The following SOX6 variants were observed in gnomAD, a reference collection of about 807,000 sequenced individuals.
SOX6 encodes SRY-box transcription factor 6, also known as transcription factor SOX-6.
In SOX6, 11 loss-of-function variants were observed where a neutral mutation model predicts 97.8. That is an observed-to-expected ratio of 0.11 (90% confidence interval 0.07 to 0.19). The LOEUF is 0.19. SOX6 is among the 10% of genes least tolerant of loss of function. The probability of loss-of-function intolerance (pLI) is 1.00; values close to 1 mark genes in which losing one functional copy is unlikely to be tolerated. For synonymous variants in SOX6, 360 were observed against 371.4 expected, an observed-to-expected ratio of 0.97 and a Z score of 0.35; for missense variants, 810 against 1,039.5, an observed-to-expected ratio of 0.78 and a Z score of 3.04.
chr11:16,178,477 G>A (rs1312747229), intron 6 of SOX6, among the ~76,000 whole-genome samples: 1 of 151,960 alleles, frequency 6.6e-6, no homozygotes, highest in Non-Finnish European at 1.5e-5. Context: ...ACAGCATACA[G>A]CAGAGACATA....
intron 7 of SOX6, among the ~76,000 whole-genome samples, chr11:16,109,617 A>T (rs556708821): frequency 2.1e-4 from 32 of 152,344 alleles, no homozygotes; most frequent in South Asian, 1.2e-3. Flanking sequence ...CATGTGAATG[A>T]TAAAAACACT....
At chr11:16,237,715 G>T (rs1014370972) in intron 3 of SOX6, among the ~76,000 whole-genome samples, 1 of 151,880 alleles carries the variant, frequency 6.6e-6, no homozygotes, top group African/African-American at 2.4e-5. Context: ...GACACTCTTG[G>T]ATTATTTTAT....
intron 2 of SOX6, among the ~76,000 whole-genome samples, chr11:16,331,107 T>G (rs2134323813): frequency 6.6e-6 from 1 of 152,264 alleles, no homozygotes; most frequent in South Asian, 2.1e-4. Context: ...CTTACTCTGG[T>G]GTCAGGTCAA....
chr11:15,969,456 G>A lies in SOX6; in HGVS notation c.*3353C>T, dbSNP rs1360675427. 1 of 152,060 alleles carries A rather than the reference G, an allele frequency of 6.6e-6. No homozygotes were observed. The highest frequency in any genetic ancestry group is 1.5e-5 in the Non-Finnish European group (1 of 68,018). 9.4% of individuals were successfully genotyped at this position (152,060 alleles called of 1,614,324 possible). ...CATCAACTTTCTGTAAGAAAAAAGG[G>A]AAATGTCTGGATCTGTGGACAGTGG... On this transcript the variant is annotated 3_prime_UTR_variant, in exon 16 of 16. Coordinates refer to ENST00000683767, the MANE Select transcript of SOX6 (RefSeq NM_001367873.1).
At chr11:16,129,577 T>C (rs1482568727) in intron 6 of SOX6, among the ~76,000 whole-genome samples, 4 of 152,102 alleles carry the variant, frequency 2.6e-5, no homozygotes, top group African/African-American at 2.4e-5. Context: ...AATGTAACAG[T>C]ATGTAAAAAG....
intron 3 of SOX6, among the ~76,000 whole-genome samples, chr11:16,238,633 T>C (rs1853096312): frequency 6.6e-6 from 1 of 152,024 alleles, no homozygotes; most frequent in African/African-American, 2.4e-5. Flanking sequence ...TTCAGATAGA[T>C]CAAAAATAAA....
intron 3 of SOX6, among the ~76,000 whole-genome samples, chr11:16,614,929 T>C (rs1413348374): frequency 6.6e-6 from 1 of 152,214 alleles, no homozygotes; most frequent in Non-Finnish European, 1.5e-5. Context: ...TTCAGTATTT[T>C]GGTCAACAAT....
intron 3 of SOX6, among the ~76,000 whole-genome samples, chr11:16,708,728 G>A (rs1250348465): frequency 6.6e-6 from 1 of 152,070 alleles, no homozygotes; most frequent in Non-Finnish European, 1.5e-5. Flanking sequence ...CATGCGTGGG[G>A]TACATGATCG....
chr11:16,729,203 C>T (rs542871568), intron 2 of SOX6, among the ~76,000 whole-genome samples: 19 of 152,110 alleles, frequency 1.2e-4, no homozygotes, highest in Non-Finnish European at 2.2e-4. Context: ...GGCAGGCCAA[C>T]GTTCAAATTC....
At chr11:16,077,914 A>G (rs1848393269) in intron 9 of SOX6, among the ~76,000 whole-genome samples, 1 of 151,922 alleles carries the variant, frequency 6.6e-6, no homozygotes, top group South Asian at 2.1e-4. Flanking sequence ...GTGACATGCA[A>G]TCTATCTAAA....
At chr11:16,295,793 G>A (rs1440612464) in intron 3 of SOX6, among the ~76,000 whole-genome samples, 1 of 152,072 alleles carries the variant, frequency 6.6e-6, no homozygotes, top group African/African-American at 2.4e-5. Context: ...GGCCTTTACT[G>A]GGGTTGCATT....
At chr11:16,634,239 A>G (rs531797210) in intron 3 of SOX6, among the ~76,000 whole-genome samples, 82 of 152,266 alleles carry the variant, frequency 5.4e-4, no homozygotes, top group African/African-American at 1.9e-3. Flanking sequence ...CATAAAGTTC[A>G]TTATATGAAC....
chr11:16,654,589 C>G (rs139203417), intron 3 of SOX6, among the ~76,000 whole-genome samples: 1 of 152,234 alleles, frequency 6.6e-6, no homozygotes, highest in African/African-American at 2.4e-5. Flanking sequence ...TGCACTCAGC[C>G]CTGTCATCAC....
chr11:16,081,531 A>T (rs1848473313), intron 9 of SOX6, among the ~76,000 whole-genome samples: 1 of 152,176 alleles, frequency 6.6e-6, no homozygotes, highest in African/African-American at 2.4e-5. Context: ...ACATGATGTA[A>T]AATCACAGCT....
intron 3 of SOX6, among the ~76,000 whole-genome samples, chr11:16,267,538 A>G (rs947573399): frequency 1.3e-5 from 2 of 151,634 alleles, no homozygotes; most frequent in South Asian, 2.1e-4. Flanking sequence ...AAAGGACCAA[A>G]GATAACCAGT....
At chr11:16,250,534 GT>G (rs1314796042) in intron 3 of SOX6, among the ~76,000 whole-genome samples, 2 of 151,980 alleles carry the variant, frequency 1.3e-5, no homozygotes, top group African/African-American at 4.8e-5. Flanking sequence ...GATAAGTGGG[GT>G]TATATCATGT....
chr11:16,609,120 C>A (rs1848368786), intron 4 of SOX6, among the ~76,000 whole-genome samples: 1 of 152,032 alleles, frequency 6.6e-6, no homozygotes, highest in Non-Finnish European at 1.5e-5. Flanking sequence ...AGCTGGAGGA[C>A]CAGGACAGGG....
At position 16,576,756 on chromosome 11, in the gene SOX6, A is replaced by G. The variant is rs1589992282; in HGVS notation, n.609+35325T>C. On this transcript the variant is annotated intron_variant and non_coding_transcript_variant, in intron 4 of 5. Transcript: ENST00000524520. ...CAACACTCCTATGTGAAAGGTCTTT[A>G]TCCTCATTTAATAGACCCTATATGA... The G allele has an allele frequency of 2.6e-5, 4 of 152,238 alleles. No individual in the cohort carries two copies. In the South Asian group the frequency reaches 6.2e-4, roughly 24 times the overall value. The allele number at this position is 152,238 out of a possible 1,614,324, so 9.4% of individuals were successfully genotyped here.
At chr11:16,665,977 T>C (rs1847804501) in intron 3 of SOX6, among the ~76,000 whole-genome samples, 1 of 152,242 alleles carries the variant, frequency 6.6e-6, no homozygotes, top group Admixed American at 6.5e-5. Flanking sequence ...ACAGTATTAC[T>C]TGGCTGAACA....
Sources: gnomAD v4.1 joint callset for allele counts (sites outside exome capture counted in the v4.1 genomes callset) on GRCh38, gnomAD v4.1.1 for gene constraint, MANE v1.5 for transcripts, NCBI Gene and HGNC (gene_info 2026-07-23, HGNC 2026-07-21) for gene names.